Variants in RBFOX1 observed in about 807,000 individuals in gnomAD.
RBFOX1 encodes the protein RNA binding fox-1 homolog 1, also known as RNA binding protein fox-1 homolog 1.
A neutral mutation model predicts 57.7 loss-of-function variants in RBFOX1; 8 were observed. That is an observed-to-expected ratio of 0.14 (90% CI 0.08 to 0.25). The LOEUF is 0.25. Ranked by LOEUF, RBFOX1 falls within the 10% of genes least tolerant of loss-of-function variation. The probability of loss-of-function intolerance (pLI) is 1.00; values close to 1 mark genes in which losing one functional copy is unlikely to be tolerated. For missense variants in RBFOX1, 611 were observed against 548.5 expected (o/e 1.11, Z -1.14); for synonymous variants, 326 against 222.4 (o/e 1.47, Z -4.15).
intron 4 of RBFOX1, among the ~76,000 whole-genome samples, chr16:7,416,360 G>A (rs918975288): frequency 6.6e-6 from 1 of 152,176 alleles, no homozygotes; most frequent in African/African-American, 2.4e-5. Flanking sequence ...AATTTGATCA[G>A]AATAGAGGTT....
chr16:7,608,487 A>G (rs1054964033), intron 10 of RBFOX1, among the ~76,000 whole-genome samples: 1 of 152,230 alleles, frequency 6.6e-6, no homozygotes, highest in Non-Finnish European at 1.5e-5. Flanking sequence ...GGATTCTAAC[A>G]CTGCAAAATA....
intron 3 of RBFOX1, among the ~76,000 whole-genome samples, chr16:5,829,709 G>A (rs571395669): frequency 6.6e-6 from 1 of 152,242 alleles, no homozygotes; most frequent in African/African-American, 2.4e-5. Flanking sequence ...CATTGCTAAT[G>A]CTGTAAATCC....
chr16:5,873,164 AAACAACAACAAC>A (rs57510700), intron 4 of RBFOX1, among the ~76,000 whole-genome samples: 3 of 151,518 alleles, frequency 2.0e-5, no homozygotes, highest in African/African-American at 4.9e-5. Flanking sequence ...ACAAAGAAAC[AAACAACAACAAC>A]AACAACAACA....
intron 4 of RBFOX1, among the ~76,000 whole-genome samples, chr16:5,875,131 C>T (rs1406335058): frequency 1.3e-5 from 2 of 152,218 alleles, no homozygotes; most frequent in African/African-American, 4.8e-5. Context: ...GCAACAGCAG[C>T]AGCAGCGTTG....
chr16:5,966,212 G>A (rs1452645077), intron 4 of RBFOX1, among the ~76,000 whole-genome samples: 1 of 152,154 alleles, frequency 6.6e-6, no homozygotes, highest in African/African-American at 2.4e-5. Flanking sequence ...TATAGAAATA[G>A]AACGTGACTG....
chr16:7,430,946 C>G (rs149719284), intron 4 of RBFOX1, among the ~76,000 whole-genome samples: 50 of 152,318 alleles, frequency 3.3e-4, no homozygotes, highest in African/African-American at 1.2e-3. Flanking sequence ...TTGCTAGTTT[C>G]TTAGACTCAG....
intron 4 of RBFOX1, among the ~76,000 whole-genome samples, chr16:7,427,897 G>A (rs1461351731): frequency 6.6e-6 from 1 of 152,042 alleles, no homozygotes; most frequent in African/African-American, 2.4e-5. Flanking sequence ...CAGATGATCT[G>A]CCTGCCTTGG....
At chr16:5,421,647 C>T (rs1366809026) in intron 1 of RBFOX1, among the ~76,000 whole-genome samples, 13 of 152,152 alleles carry the variant, frequency 8.5e-5, no homozygotes, top group Admixed American at 8.5e-4. Flanking sequence ...CACAGAGGCT[C>T]CAGAGCCAGG....
chr16:7,298,285 G>GTTTTTTTTTTTTTTT (rs201092743), intron 4 of RBFOX1, among the ~76,000 whole-genome samples: 1 of 96,588 alleles, frequency 1.0e-5, no homozygotes, highest in Non-Finnish European at 2.1e-5. Context: ...GTTTTTTTTT[G>GTTTTTTTTTTTTTTT]TTTTTTTTTT....
intron 1 of RBFOX1, among the ~76,000 whole-genome samples, chr16:5,419,703 T>A (rs527861020): frequency 6.6e-6 from 1 of 152,046 alleles, no homozygotes; most frequent in South Asian, 2.1e-4. Context: ...GTGGCAGGGC[T>A]CCCAGTGAGC....
intron 4 of RBFOX1, among the ~76,000 whole-genome samples, chr16:7,079,013 A>C (rs558645618): frequency 1.3e-4 from 20 of 151,572 alleles, no homozygotes; most frequent in African/African-American, 4.1e-4. Flanking sequence ...AGGCACTGGG[A>C]GTTAGGGTTT....
At chr16:7,230,547 T>C (rs2152917022) in intron 4 of RBFOX1, among the ~76,000 whole-genome samples, 1 of 152,182 alleles carries the variant, frequency 6.6e-6, no homozygotes, top group African/African-American at 2.4e-5. Flanking sequence ...GCCTCCCCAG[T>C]CAATGAAGGA....
intron 4 of RBFOX1, among the ~76,000 whole-genome samples, chr16:7,372,098 T>C (rs1236414581): frequency 6.6e-6 from 1 of 152,174 alleles, no homozygotes; most frequent in Non-Finnish European, 1.5e-5. Context: ...GCAGTGTGAT[T>C]GTTGGGTCCA....
intron 3 of RBFOX1, among the ~76,000 whole-genome samples, chr16:6,789,524 T>G (rs1186099805): frequency 6.6e-6 from 1 of 152,244 alleles, no homozygotes; most frequent in Non-Finnish European, 1.5e-5. Flanking sequence ...ATGCTGGTTG[T>G]GCAAATTTAA....
intron 2 of RBFOX1, among the ~76,000 whole-genome samples, chr16:6,607,603 C>T (rs1239797542): frequency 6.6e-6 from 1 of 151,296 alleles, no homozygotes; most frequent in Admixed American, 6.6e-5. Context: ...TCTCTCTCTC[C>T]TCTCTCTTTC....
At chr16:7,201,157 G>C (rs1031217820) in intron 4 of RBFOX1, among the ~76,000 whole-genome samples, 1 of 152,160 alleles carries the variant, frequency 6.6e-6, no homozygotes, top group Non-Finnish European at 1.5e-5. Context: ...TGGGGCAAGG[G>C]TTGGAGAGAA....
chr16:7,262,777 G>C (rs561312601), intron 4 of RBFOX1, among the ~76,000 whole-genome samples: 1 of 152,278 alleles, frequency 6.6e-6, no homozygotes, highest in Non-Finnish European at 1.5e-5. Context: ...TGCAAAGGCA[G>C]TTGTAAGCTC....
chr16:5,544,507 A>C (rs955867540), intron 2 of RBFOX1, among the ~76,000 whole-genome samples: 2 of 152,200 alleles, frequency 1.3e-5, no homozygotes, highest in Non-Finnish European at 2.9e-5. Context: ...GAACAAAATC[A>C]ACACAAAGTA....
intron 2 of RBFOX1, among the ~76,000 whole-genome samples, chr16:6,408,487 C>T (rs1270714647): frequency 6.6e-6 from 1 of 152,110 alleles, no homozygotes; most frequent in Non-Finnish European, 1.5e-5. Context: ...CATCTTTGAC[C>T]TGCCTGGGTC....
Sources: gnomAD v4.1 joint callset for allele counts (sites outside exome capture counted in the v4.1 genomes callset) on GRCh38, gnomAD v4.1.1 for gene constraint, MANE v1.5 for transcripts, NCBI Gene and HGNC (gene_info 2026-07-23, HGNC 2026-07-21) for gene names.